CPNE7: variants seen among roughly 807,000 people sequenced by gnomAD.
The protein encoded by CPNE7 is copine-7.
CPNE7 carries 78 observed loss-of-function variants against 66.5 expected under a neutral mutation model. The observed-to-expected ratio is 1.17, with a 90% CI of 0.98 to 1.42. CPNE7 has a LOEUF of 1.42. Ranked by LOEUF, CPNE7 falls within the 40% of genes most tolerant of loss-of-function variation. The pLI, the probability that CPNE7 is intolerant of heterozygous loss-of-function variation, is 0.00. For missense variants in CPNE7, 1,012 were observed against 776.6 expected (o/e 1.30, Z -3.60); for synonymous variants, 468 against 336.7 (o/e 1.39, Z -4.27).
chr16:89,587,656 C>T, intron 9 of CPNE7: 1 of 434,340 alleles, frequency 2.3e-6, no homozygotes, highest in East Asian at 7.5e-5. Context: ...CGTGTCACCC[C>T]CATGTCACCC....
intron 2 of CPNE7, among the ~76,000 whole-genome samples, chr16:89,581,164 G>A (rs1258194753): frequency 4.4e-5 from 6 of 137,898 alleles, no homozygotes; most frequent in African/African-American, 7.9e-5. Flanking sequence ...CCCGTCACCC[G>A]TCACACGGAA....
chr16:89,585,578 G>C (rs1259189167), intron 6 of CPNE7, 25 bp downstream of exon 6: 1 of 1,596,368 alleles, frequency 6.3e-7, no homozygotes, highest in Non-Finnish European at 8.6e-7. Context: ...GGACCAAGGG[G>C]GCAGTGAGGG....
intron 11 of CPNE7, 26 bp from the exon 12 acceptor site, chr16:89,590,981 G>C: frequency 6.2e-7 from 1 of 1,613,392 alleles, no homozygotes; most frequent in Admixed American, 1.7e-5. Flanking sequence ...ACGAGCAGCT[G>C]ACTGAGCCCT....
chr16:89,596,726 TCCAGTCCCCACCAGGCCCCACTC>T lies in CPNE7; in HGVS notation c.*113_*135del, dbSNP rs1431050689. The T allele has an allele frequency of 7.7e-7, 1 of 1,301,936 alleles. No individual in the cohort carries two copies. The highest frequency in any genetic ancestry group is 1.0e-6 in the Non-Finnish European group (1 of 1,002,616). 80.6% of individuals were successfully genotyped at this position (1,301,936 alleles called of 1,614,324 possible). ...AGCTCCCTCCGACCTCCCAGAAGCC[TCCAGTCCCCACCAGGCCCCACTC>T]CCAGTCCTCCTGGGATCCTGCTGGC... On this transcript the variant is annotated 3_prime_UTR_variant, in exon 15 of 15. Transcript: ENST00000319518.
chr16:89,592,760 A>T (rs1372459082), intron 13 of CPNE7, among the ~76,000 whole-genome samples: 1 of 148,044 alleles, frequency 6.8e-6, no homozygotes, highest in Non-Finnish European at 1.5e-5. Context: ...TTTTATTGTG[A>T]TAAAATATGC....
intron 3 of CPNE7, 70 bp from the exon 4 acceptor site, chr16:89,583,958 G>A (rs1224468921): frequency 6.4e-7 from 1 of 1,572,526 alleles, no homozygotes; most frequent in African/African-American, 1.4e-5. Context: ...CCAGCCTGGG[G>A]CCTCTGGTCC....
chr16:89,593,515 G>A (rs1035434357), intron 13 of CPNE7, among the ~76,000 whole-genome samples: 1 of 150,836 alleles, frequency 6.6e-6, no homozygotes, highest in African/African-American at 2.4e-5. Context: ...ACCACGCCCG[G>A]CTAATTTTTT....
chr16:89,590,062 G>A (rs952700011), intron 11 of CPNE7, 111 bp downstream of exon 11: 2 of 1,257,342 alleles, frequency 1.6e-6, no homozygotes, highest in Admixed American at 2.1e-5. Context: ...ACCGGAGACT[G>A]TAGGATGGGA....
At chr16:89,595,298 C>T (rs1597723786) in intron 13 of CPNE7, 69 bp from the exon 14 acceptor site, 1 of 1,344,442 alleles carries the variant, frequency 7.4e-7, no homozygotes, top group African/African-American at 1.5e-5. Context: ...GTCTGGGGGC[C>T]CGTGGGTTGC....
chr16:89,576,499 TGGGGTGCGGACCTCCAGGCGTCC>T (rs1490252337), intron 1 of CPNE7, among the ~76,000 whole-genome samples: 1 of 151,558 alleles, frequency 6.6e-6, no homozygotes, highest in East Asian at 1.9e-4. Context: ...GAGCGCGCGC[TGGGGTGCGGACCTCCAGGCGTCC>T]GGGGCTCCCG....
intron 10 of CPNE7, 31 bp downstream of exon 10, chr16:89,588,839 G>C (rs780711494): frequency 1.7e-5 from 28 of 1,607,650 alleles, no homozygotes; most frequent in Non-Finnish European, 2.4e-5. Flanking sequence ...TCACCCCCTG[G>C]TCTCCAGGTC....
chr16:89,583,685 T>G lies in CPNE7; in HGVS notation c.358-12T>G, dbSNP rs1055666923. The G allele has an allele frequency of 3.7e-6, 6 of 1,612,596 alleles. No homozygotes were observed. The African/African-American group carries it at 8.0e-5, about 22-fold the overall frequency. On this transcript the variant is annotated splice_polypyrimidine_tract_variant and intron_variant, in intron 2 of 14. Coordinates refer to ENST00000319518, the MANE Select transcript of CPNE7 (RefSeq NM_153636.3). ...CGCCTGCCCCTCCCTGCCTGACGCC[T>G]CTGACTTACAGATTGTGGCCCAGAA...
chr16:89,579,007 C>T (rs1489939205), intron 2 of CPNE7: 3 of 1,586,054 alleles, frequency 1.9e-6, no homozygotes, highest in Non-Finnish European at 2.6e-6. Flanking sequence ...GTAAAATTTA[C>T]AGGCCGGGCA....
chr16:89,591,151 A>G lies in CPNE7; in HGVS notation c.1193A>G (p.Tyr398Cys). ...CEGIQGVVEA[Y>C]QNCLPRVQLY... Reference sequence around the variant, plus strand: ...GGCATCCAGGGCGTGGTGGAGGCCTACCAGAACTGCCTGCCCAGGGTCCAG... The same window carrying G: ...GGCATCCAGGGCGTGGTGGAGGCCTGCCAGAACTGCCTGCCCAGGGTCCAG... The change falls in exon 13 of 15, where the codon TAC becomes TGC. Residue 398 changes from tyrosine to cysteine, a missense_variant. By Grantham distance (194) the Tyr-to-Cys change is radical. Transcript: ENST00000319518. The G allele has an allele frequency of 6.2e-7, 1 of 1,610,188 alleles. No homozygotes were observed. Among genetic ancestry groups the G allele is most frequent in the Non-Finnish European group, 8.5e-7 (1 of 1,178,632 alleles).
At position 89,596,633 on chromosome 16, in the gene CPNE7, G is replaced by C; in HGVS notation, c.*12G>C. ...GCTGCACACCGTGAAGATGTGGAGG[G>C]CGTAGGGTGGGGGCAGTGAGGAATG... On this transcript the variant is annotated 3_prime_UTR_variant, in exon 15 of 15. Coordinates refer to ENST00000319518, the MANE Select transcript of CPNE7 (RefSeq NM_153636.3). 1 of 1,588,346 alleles carries C rather than the reference G, an allele frequency of 6.3e-7. No individual in the cohort carries two copies. The highest frequency in any genetic ancestry group is 8.5e-7 in the Non-Finnish European group (1 of 1,172,822).
intron 2 of CPNE7, chr16:89,583,353 G>C (rs1206760333): frequency 1.6e-6 from 2 of 1,245,600 alleles, no homozygotes; most frequent in Non-Finnish European, 2.3e-6. Flanking sequence ...CTGTGGAGGG[G>C]CGTCCGCCAC....
At chr16:89,577,441 A>T in intron 1 of CPNE7, 98 bp from the exon 2 acceptor site, 1 of 1,239,070 alleles carries the variant, frequency 8.1e-7, no homozygotes, top group Non-Finnish European at 1.1e-6. Context: ...AGTCCTCCTG[A>T]GGTACCTGGG....
chr16:89,585,704 C>T lies in CPNE7; in HGVS notation c.699C>T (p.Tyr233=), dbSNP rs774937668. ...TRPLKCLVWD[Y]DSRGKHDFIG... ...CTCCCCAGTGCCTGGTCTGGGATTA[C>T]GACTCTCGAGGAAAGCACGACTTCA... The change falls in exon 7 of 15, where the codon TAC becomes TAT. Residue 233 remains tyrosine (Y), a synonymous_variant. Transcript: ENST00000319518. 24 of 1,551,288 alleles carry T rather than the reference C, an allele frequency of 1.5e-5. No individual in the cohort carries two copies. Among genetic ancestry groups the T allele is most frequent in the Middle Eastern group, 1.7e-4 (1 of 6,016 alleles).
intron 2 of CPNE7, among the ~76,000 whole-genome samples, chr16:89,578,048 T>C (rs1448210317): frequency 2.1e-5 from 3 of 141,246 alleles, no homozygotes; most frequent in Non-Finnish European, 4.6e-5. Context: ...TTTTCCTCTT[T>C]TTTCTTTTTT....
Sources: allele counts gnomAD v4.1 joint callset (sites outside exome capture counted in the v4.1 genomes callset), GRCh38; gene constraint gnomAD v4.1.1; transcripts MANE v1.5; gene names NCBI Gene and HGNC (gene_info 2026-07-23, HGNC 2026-07-21).